The following INHBC variants were observed in gnomAD, a reference collection of about 807,000 sequenced individuals.
INHBC encodes inhibin beta C chain.
In INHBC, 10 loss-of-function variants were observed where a neutral mutation model predicts 12.4. That is an observed-to-expected ratio of 0.81 (90% CI 0.50 to 1.37). The LOEUF (loss-of-function observed/expected upper bound fraction) is 1.37. INHBC is among the 40% of genes most tolerant of loss of function. The pLI, the probability that INHBC is intolerant of heterozygous loss-of-function variation, is 0.00. For missense variants in INHBC, 382 were observed against 439.4 expected, an observed-to-expected ratio of 0.87 and a Z score of 1.17; for synonymous variants, 147 against 171.6, an observed-to-expected ratio of 0.86 and a Z score of 1.12.
rs972748552 is a variant in INHBC at position 57,451,463 on chromosome 12, G to T, written c.*1441G>T. 6.6e-6 allele frequency among the ~76,000 whole-genome samples: 1 copy of T among 152,202 alleles called. No individual in the cohort carries two copies. The highest frequency in any genetic ancestry group is 1.5e-5 in the Non-Finnish European group (1 of 68,048). On this transcript the variant is annotated 3_prime_UTR_variant, in exon 2 of 2. Transcript: ENST00000309668. ...CCTGGATGAGGAGAGGGTGGCATTTGCTCTGAGACTGGGTCCTTTTTAGAC... is the reference window on the plus strand; with the variant it reads ...CCTGGATGAGGAGAGGGTGGCATTTTCTCTGAGACTGGGTCCTTTTTAGAC...
chr12:57,437,193 G>T (rs893120889), intron 1 of INHBC, among the ~76,000 whole-genome samples: 4 of 152,126 alleles, frequency 2.6e-5, no homozygotes, highest in Non-Finnish European at 5.9e-5. Flanking sequence ...AGACTGCACT[G>T]AGCTGTTTGC....
chr12:57,444,009 G>A (rs1870523475), intron 1 of INHBC, among the ~76,000 whole-genome samples: 2 of 151,524 alleles, frequency 1.3e-5, no homozygotes, highest in African/African-American at 2.4e-5. Context: ...GGCTGATCTC[G>A]AATTCATGAC....
chr12:57,435,317 C>T, intron 1 of INHBC, 118 bp downstream of exon 1: 1 of 976,992 alleles, frequency 1.0e-6, no homozygotes, highest in Non-Finnish European at 1.5e-6. Flanking sequence ...CTGCTTCCCA[C>T]AGGCTATAAT....
intron 1 of INHBC, among the ~76,000 whole-genome samples, chr12:57,445,562 G>A (rs1466579730): frequency 6.6e-6 from 1 of 152,122 alleles, no homozygotes; most frequent in African/African-American, 2.4e-5. Context: ...GAAGGAACAG[G>A]TTTGGACTGG....
chr12:57,442,975 G>C (rs1870497742), intron 1 of INHBC, among the ~76,000 whole-genome samples: 1 of 146,066 alleles, frequency 6.8e-6, no homozygotes, highest in African/African-American at 2.5e-5. Flanking sequence ...CAGGCGACAA[G>C]AGTGAGACTC....
At chr12:57,448,385 A>G (rs1870634493) in intron 1 of INHBC, among the ~76,000 whole-genome samples, 1 of 152,056 alleles carries the variant, frequency 6.6e-6, no homozygotes, top group Non-Finnish European at 1.5e-5. Flanking sequence ...CCTGGCCAAC[A>G]TGGTGAAACC....
rs370856735 is a variant in INHBC, at chr12:57,436,081, G to A, written c.313+882G>A. ...AAGCCGATCTCAAACTCCTGACCTCGTGATCCTCCCACCTCAGCCTCCCAA... is the reference window on the plus strand; with the variant it reads ...AAGCCGATCTCAAACTCCTGACCTCATGATCCTCCCACCTCAGCCTCCCAA... On this transcript the variant is annotated intron_variant, in intron 1 of 1. Transcript: ENST00000309668. Among the ~76,000 whole-genome samples, 9 of 152,078 alleles carry A rather than the reference G, an allele frequency of 5.9e-5. No individual in the cohort carries two copies. In the East Asian group the frequency reaches 9.7e-4, roughly 16 times the overall value.
chr12:57,447,892 A>AAAAAATATCTAT (rs1555325179), intron 1 of INHBC, among the ~76,000 whole-genome samples: 1 of 19,852 alleles, frequency 5.0e-5, no homozygotes, highest in Non-Finnish European at 1.1e-4. Context: ...AAAAAAAAAA[A>AAAAAATATCTAT]ATATATATAT....
chr12:57,438,686 T>TGAAA (rs1870399393), intron 1 of INHBC, among the ~76,000 whole-genome samples: 1 of 152,204 alleles, frequency 6.6e-6, no homozygotes, highest in Non-Finnish European at 1.5e-5. Context: ...GACGAAGGCA[T>TGAAA]GAAAGCCATG....
intron 1 of INHBC, among the ~76,000 whole-genome samples, chr12:57,436,999 G>A (rs1292161118): frequency 1.3e-5 from 2 of 152,084 alleles, no homozygotes; most frequent in African/African-American, 4.8e-5. Context: ...ATTTCATCAT[G>A]TTGCCCAGAT....
At chr12:57,445,067 T>A (rs1300161455) in intron 1 of INHBC, among the ~76,000 whole-genome samples, 1 of 152,268 alleles carries the variant, frequency 6.6e-6, no homozygotes, top group East Asian at 1.9e-4. Context: ...AAGAACTCAG[T>A]CATTCAAAGA....
intron 1 of INHBC, among the ~76,000 whole-genome samples, chr12:57,437,407 C>T (rs4090743): frequency 2.0e-5 from 3 of 152,198 alleles, no homozygotes; most frequent in East Asian, 2.0e-4. Flanking sequence ...CGGTGGCTCA[C>T]GCCTGTAATC....
chr12:57,438,550 C>T (rs1297388863), intron 1 of INHBC, among the ~76,000 whole-genome samples: 2 of 152,164 alleles, frequency 1.3e-5, no homozygotes, highest in African/African-American at 2.4e-5. Context: ...TGGCCAGATT[C>T]CAAGAGGATA....
At chr12:57,443,113 C>CTTTTTTTT (rs34935222) in intron 1 of INHBC, among the ~76,000 whole-genome samples, 6 of 72,398 alleles carry the variant, frequency 8.3e-5, no homozygotes, top group East Asian at 4.7e-4. Context: ...ATAAAGCACT[C>CTTTTTTTT]TTTTTTTTTT....
At chr12:57,445,383 A>T (rs1870551823) in intron 1 of INHBC, among the ~76,000 whole-genome samples, 1 of 152,042 alleles carries the variant, frequency 6.6e-6, no homozygotes, top group African/African-American at 2.4e-5. Flanking sequence ...CAGTTAAAGA[A>T]AAAGATGGTT....
chr12:57,440,543 G>A (rs559287614), intron 1 of INHBC, among the ~76,000 whole-genome samples: 6 of 151,980 alleles, frequency 3.9e-5, no homozygotes, highest in South Asian at 4.2e-4. Context: ...ATGTTAGCTC[G>A]GATGGTCTTG....
At chr12:57,449,067 T>G (rs980962494) in intron 1 of INHBC, among the ~76,000 whole-genome samples, 1 of 152,168 alleles carries the variant, frequency 6.6e-6, no homozygotes, top group Non-Finnish European at 1.5e-5. Context: ...AAGGTGGTAT[T>G]CCCATGACCC....
Position 57,440,332 on chromosome 12 carries a change from CT to C in INHBC, c.313+5152del, listed in dbSNP as rs34888207. Among the ~76,000 whole-genome samples the C allele has an allele frequency of 5.4e-3, 637 of 117,426 alleles. 4 individuals carry two copies. Among genetic ancestry groups the C allele is most frequent in the African/African-American group, 0.015 (483 of 32,028 alleles). 77.0% of individuals were successfully genotyped at this position (117,426 alleles called of 152,430 possible). A position where few individuals can be genotyped will look rare whatever the true frequency, so the allele number is the denominator to read the frequency against. ...ATTCTGTTTGAAAATTGAACAGTGC[CT>C]TTTTTTTTTTTTTTTTTTGAGACGG... On this transcript the variant is annotated intron_variant, in intron 1 of 1. Coordinates refer to ENST00000309668, the MANE Select transcript of INHBC (RefSeq NM_005538.4).
intron 1 of INHBC, among the ~76,000 whole-genome samples, chr12:57,436,869 G>T (rs1385774529): frequency 6.6e-6 from 1 of 150,950 alleles, no homozygotes; most frequent in African/African-American, 2.4e-5. Context: ...GGGTTTCACC[G>T]TGTTAGCCAG....
Sources: gnomAD v4.1 joint callset for allele counts (sites outside exome capture counted in the v4.1 genomes callset) on GRCh38, gnomAD v4.1.1 for gene constraint, MANE v1.5 for transcripts, NCBI Gene and HGNC (gene_info 2026-07-23, HGNC 2026-07-21) for gene names.